Variants in TTLL10 observed in about 807,000 individuals in gnomAD.
TTLL10 encodes the protein tubulin tyrosine ligase like 10, also known as inactive polyglycylase TTLL10.
In TTLL10, 61 loss-of-function variants were observed where a neutral mutation model predicts 69.0. That is an observed-to-expected ratio of 0.88 (90% CI 0.72 to 1.09). The LOEUF (loss-of-function observed/expected upper bound fraction) is 1.09. Among genes scored for constraint, TTLL10 ranks in the 50% least tolerant of loss-of-function variants. The pLI, the probability that TTLL10 is intolerant of heterozygous loss-of-function variation, is 0.00. For missense variants in TTLL10, 962 were observed against 945.9 expected (o/e 1.02, Z -0.22); for synonymous variants, 408 against 393.3 (o/e 1.04, Z -0.44).
In TTLL10 at chr1:1,185,150, C is replaced by G. The variant is rs375859983; in HGVS notation, c.1401+41C>G. 11 of 1,601,684 alleles carry G rather than the reference C, an allele frequency of 6.9e-6. No homozygotes were observed. The highest frequency in any genetic ancestry group is 9.4e-6 in the Non-Finnish European group (11 of 1,172,468). Reference sequence around the variant, plus strand: ...CCTCCAGTCTGGGAGTGAGATCCCTCGGGGCGGGGGTGTGTGGTCAGGCTG... The same window carrying G: ...CCTCCAGTCTGGGAGTGAGATCCCTGGGGGCGGGGGTGTGTGGTCAGGCTG... On this transcript the variant is annotated intron_variant, in intron 13 of 15. Transcript: ENST00000379289. This position sits in a 1 kb window ranked among gnomAD's most constrained non-coding sequence, Gnocchi z 6.1.
Position 1,185,127 on chromosome 1 carries a change from T to C in TTLL10, c.1401+18T>C. On this transcript the variant is annotated intron_variant, in intron 13 of 15. Coordinates refer to ENST00000379289, the MANE Select transcript of TTLL10 (RefSeq NM_001130045.2). This position sits in a 1 kb window ranked among gnomAD's most constrained non-coding sequence, Gnocchi z 6.1. ...CCCTCAAGGTGCGTCCACTGTGCCC[T>C]CCAGTCTGGGAGTGAGATCCCTCGG... 6.2e-7 allele frequency: 1 copy of C among 1,608,516 alleles called. No homozygotes were observed. Among genetic ancestry groups the C allele is most frequent in the Non-Finnish European group, 8.5e-7 (1 of 1,176,752 alleles).
At position 1,196,597 on chromosome 1, in the gene TTLL10, C is replaced by A; in HGVS notation, c.1402-3C>A. The stretch of plus-strand genomic sequence containing the variant: ...GCCAGGATGCCTCCCTGCCTCCCTG[C>A]AGAAGCGGATGCAGCAGATCATGGC... On this transcript the variant is annotated splice_polypyrimidine_tract_variant and splice_region_variant and intron_variant, in intron 13 of 15. Coordinates refer to ENST00000379289, the MANE Select transcript of TTLL10 (RefSeq NM_001130045.2). The A allele has an allele frequency of 6.5e-7, 1 of 1,550,274 alleles. No individual in the cohort carries two copies. The highest frequency in any genetic ancestry group is 8.7e-7 in the Non-Finnish European group (1 of 1,145,726).
chr1:1,194,710 G>A (rs770700143), intron 13 of TTLL10, among the ~76,000 whole-genome samples: 6 of 152,158 alleles, frequency 3.9e-5, no homozygotes, highest in Non-Finnish European at 7.4e-5. Context: ...CATACATAAC[G>A]AGCGGCTTCT....
chr1:1,190,626 C>T (rs1441849790), intron 13 of TTLL10, among the ~76,000 whole-genome samples: 1 of 151,652 alleles, frequency 6.6e-6, no homozygotes, highest in Non-Finnish European at 1.5e-5. Context: ...GATGGGGTTT[C>T]ACCATGCTGG....
chr1:1,185,578 G>T lies in TTLL10; in HGVS notation c.1401+469G>T, dbSNP rs1647259959. 1 of 991,478 alleles carries T rather than the reference G, an allele frequency of 1.0e-6. No homozygotes were observed. The highest frequency in any genetic ancestry group is 5.1e-4 in the Middle Eastern group (1 of 1,942). The allele number at this position is 991,478 out of a possible 1,614,324, so 61.4% of individuals were successfully genotyped here. On this transcript the variant is annotated intron_variant, in intron 13 of 15. Coordinates refer to ENST00000379289, the MANE Select transcript of TTLL10 (RefSeq NM_001130045.2). This position sits in a 1 kb window ranked among gnomAD's most constrained non-coding sequence, Gnocchi z 6.1. ...TAATTTTGCAGGGTTCCTTTCTGTG[G>T]GGGTACCTGTGGGGTACTTCAAACA...
chr1:1,181,037 C>T lies in TTLL10; in HGVS notation c.755+177C>T, dbSNP rs921990951. 1.3e-5 allele frequency among the ~76,000 whole-genome samples: 2 copies of T among 150,514 alleles called. No homozygotes were observed. Among genetic ancestry groups the T allele is most frequent in the African/African-American group, 4.9e-5 (2 of 40,844 alleles). On this transcript the variant is annotated intron_variant, in intron 8 of 15. Transcript: ENST00000379289. This position sits in a 1 kb window ranked among gnomAD's most constrained non-coding sequence, Gnocchi z 4.6. ...CCCTGCCCCTGCCCTTGCCCCTGCC[C>T]CTGGCCACCTGGGCTCCCAGGCTGG...
In TTLL10 at chr1:1,197,649, C is replaced by T. The variant is rs559027586; in HGVS notation, c.1824C>T (p.Gly608=). 1.5e-5 allele frequency: 22 copies of T among 1,500,608 alleles called. No individual in the cohort carries two copies. The highest frequency in any genetic ancestry group is 1.1e-4 in the East Asian group (4 of 37,370). 93.0% of individuals were successfully genotyped at this position (1,500,608 alleles called of 1,614,324 possible). A position where few individuals can be genotyped will look rare whatever the true frequency, so the allele number is the denominator to read the frequency against. The change falls in exon 16 of 16, where the codon GGC becomes GGT. Residue 608 remains glycine (G), a synonymous_variant. Transcript: ENST00000379289. ...PPMPHAPDQP[G]ARRPAPPPLV... is the part of the protein sequence containing the mutation. ...TGCCGCATGCCCCAGACCAGCCGGGCGCCCGCAGGCCTGCGCCACCTCCCT... is the reference window on the plus strand; with the variant it reads ...TGCCGCATGCCCCAGACCAGCCGGGTGCCCGCAGGCCTGCGCCACCTCCCT...
chr1:1,179,457 A>G (rs1407222534), intron 4 of TTLL10, 124 bp downstream of exon 4: 2 of 1,231,488 alleles, frequency 1.6e-6, no homozygotes, highest in Non-Finnish European at 2.3e-6. Flanking sequence ...ACACATGGCC[A>G]TGCCCCGCTG....
At position 1,181,959 on chromosome 1, in the gene TTLL10, G is replaced by T. The variant is rs549869611; in HGVS notation, c.830+144G>T. Reference sequence around the variant, plus strand: ...GTCAGAGGTTCAGCCAGGCCAGGCCGAGATCCACGCTGACCCCCCAGTGCA... The same window carrying T: ...GTCAGAGGTTCAGCCAGGCCAGGCCTAGATCCACGCTGACCCCCCAGTGCA... On this transcript the variant is annotated intron_variant, in intron 9 of 15. Coordinates refer to ENST00000379289, the MANE Select transcript of TTLL10 (RefSeq NM_001130045.2). The surrounding 1 kb of genome is among the most constrained non-coding windows in gnomAD (Gnocchi z 4.6). 3 of 798,512 alleles carry T rather than the reference G, an allele frequency of 3.8e-6. No individual in the cohort carries two copies. The highest frequency in any genetic ancestry group is 3.4e-5 in the African/African-American group (2 of 58,160). The allele number at this position is 798,512 out of a possible 1,614,324, so 49.5% of individuals were successfully genotyped here. A position where few individuals can be genotyped will look rare whatever the true frequency, so the allele number is the denominator to read the frequency against.
chr1:1,195,555 G>C (rs1173190130), intron 13 of TTLL10, among the ~76,000 whole-genome samples: 4 of 136,636 alleles, frequency 2.9e-5, no homozygotes, highest in Non-Finnish European at 6.0e-5. Flanking sequence ...ATGTTGGCAA[G>C]GCTTGTCTCG....
rs531400734 is a variant in TTLL10 at position 1,194,209 on chromosome 1, T to G, written c.1402-2391T>G. ...ATTCAGTTTTTTATTAATACCAAGTTAATTTCAAAAGCATACAAAAACACA... is the reference window on the plus strand; with the variant it reads ...ATTCAGTTTTTTATTAATACCAAGTGAATTTCAAAAGCATACAAAAACACA... On this transcript the variant is annotated intron_variant, in intron 13 of 15. Coordinates refer to ENST00000379289, the MANE Select transcript of TTLL10 (RefSeq NM_001130045.2). Among the ~76,000 whole-genome samples the G allele has an allele frequency of 2.6e-5, 4 of 152,324 alleles. No homozygotes were observed. The East Asian group carries it at 7.7e-4, about 29-fold the overall frequency.
intron 13 of TTLL10, among the ~76,000 whole-genome samples, chr1:1,189,595 C>T (rs1453087861): frequency 6.6e-6 from 1 of 152,080 alleles, no homozygotes; most frequent in African/African-American, 2.4e-5. Context: ...TTAAGGTAAC[C>T]CTGGCCTCAT....
At position 1,180,759 on chromosome 1, in the gene TTLL10, C is replaced by A; in HGVS notation, c.654C>A (p.Asn218Lys). Residue 218 changes from asparagine to lysine, a missense_variant, in exon 8 of 16, where the codon AAC becomes AAA. By Grantham distance (94) the Asn-to-Lys change is moderately conservative. Coordinates refer to ENST00000379289, the MANE Select transcript of TTLL10 (RefSeq NM_001130045.2). ...EGEQLLYQLP[N>K]NKLLTTKIGL... The stretch of plus-strand genomic sequence containing the variant: ...AGCAGCTGCTGTACCAGCTTCCCAA[C>A]AACAAGCTCCTCACCACCAAGATCG... 3 of 1,608,848 alleles carry A rather than the reference C, an allele frequency of 1.9e-6. No homozygotes were observed. The highest frequency in any genetic ancestry group is 2.5e-6 in the Non-Finnish European group (3 of 1,178,094).
rs894270685 is a variant in TTLL10 at position 1,177,334 on chromosome 1, C to T, written c.-27-1855C>T. 6.0e-5 allele frequency among the ~76,000 whole-genome samples: 9 copies of T among 151,190 alleles called. No individual in the cohort carries two copies. The South Asian group carries it at 8.4e-4, about 14-fold the overall frequency. Reference sequence around the variant, plus strand: ...TGTGTCATTCTTTTTTTTTTTGAGACGGAGTCTCGCTCTGTCGCCCAGGCT... The same window carrying T: ...TGTGTCATTCTTTTTTTTTTTGAGATGGAGTCTCGCTCTGTCGCCCAGGCT... On this transcript the variant is annotated intron_variant, in intron 3 of 15. Coordinates refer to ENST00000379289, the MANE Select transcript of TTLL10 (RefSeq NM_001130045.2).
rs144432977 is a variant in TTLL10 at position 1,180,182 on chromosome 1, C to T, written c.348C>T (p.Leu116=). 6 of 1,611,372 alleles carry T rather than the reference C, an allele frequency of 3.7e-6. No individual in the cohort carries two copies. In the South Asian group the frequency reaches 5.5e-5, roughly 15 times the overall value. The part of the protein sequence containing the change: ...RASATPGPPG[L]LNSHRPADSD... ...CTGCCACACCCGGACCCCCTGGGCT[C>T]CTGAACAGCCACCGGCCTGCAGACT... Residue 116 remains leucine, a synonymous_variant, in exon 6 of 16, where the codon CTC becomes CTT. Transcript: ENST00000379289.
Position 1,190,622 on chromosome 1 carries a change from GT to G in TTLL10, c.1401+5516del, listed in dbSNP as rs111475544. Among the ~76,000 whole-genome samples, 983 of 151,572 alleles carry G rather than the reference GT, an allele frequency of 6.5e-3. 13 individuals carry two copies. Among genetic ancestry groups the G allele is most frequent in the African/African-American group, 0.02 (836 of 41,312 alleles). ...TTTTTGTATTTCTAATGGAGATGGG[GT>G]TTCACCATGCTGGCAAGGCTGGTCT... On this transcript the variant is annotated intron_variant, in intron 13 of 15. Transcript: ENST00000379289.
Position 1,181,758 on chromosome 1 carries a change from C to T in TTLL10, c.773C>T (p.Ala258Val). ...GGCTGCAGGCTGGAAAAGGACGCAG[C>T]AGCGCCCGCCCTGGAGGACCTCCCG... is the stretch of plus-strand genomic sequence containing the variant. Reference protein sequence around the residue: ...GVQARLEKDAAAPALEDLPWT... With the variant: ...GVQARLEKDAVAPALEDLPWT... The change falls in exon 9 of 16, where the codon GCA (alanine) becomes GTA (valine). Residue 258 changes from alanine (A) to valine (V), a missense_variant. Transcript: ENST00000379289. The surrounding 1 kb of genome is among the most constrained non-coding windows in gnomAD (Gnocchi z 4.6). 6 of 1,606,194 alleles carry T rather than the reference C, an allele frequency of 3.7e-6. No individual in the cohort carries two copies. The highest frequency in any genetic ancestry group is 5.1e-6 in the Non-Finnish European group (6 of 1,177,512).
At position 1,185,928 on chromosome 1, in the gene TTLL10, C is replaced by T. The variant is rs1382653695; in HGVS notation, c.1401+819C>T. 1 of 736,302 alleles carries T rather than the reference C, an allele frequency of 1.4e-6. No homozygotes were observed. Among genetic ancestry groups the T allele is most frequent in the South Asian group, 6.1e-5 (1 of 16,388 alleles). 45.6% of individuals were successfully genotyped at this position (736,302 alleles called of 1,614,324 possible). A position where few individuals can be genotyped will look rare whatever the true frequency, so the allele number is the denominator to read the frequency against. ...GCAATTATCACCACCAATTCCAGAA[C>T]ATTTCATCACCTCAAAAAAGAAACA... On this transcript the variant is annotated intron_variant, in intron 13 of 15. Coordinates refer to ENST00000379289, the MANE Select transcript of TTLL10 (RefSeq NM_001130045.2). The surrounding 1 kb of genome is among the most constrained non-coding windows in gnomAD (Gnocchi z 6.1).
Position 1,184,021 on chromosome 1 carries a change from G to T in TTLL10, c.1190G>T (p.Gly397Val), listed in dbSNP as rs1647166407. Reference sequence around the variant, plus strand: ...CCCTACATGATCTTCTTTGGCCACGGCTATGCTCGCCTCACCCTTAGCCTT... The same window carrying T: ...CCCTACATGATCTTCTTTGGCCACGTCTATGCTCGCCTCACCCTTAGCCTT... Reference protein sequence around the residue: ...TTPYMIFFGHGYARLTLSLYD... With the variant: ...TTPYMIFFGHVYARLTLSLYD... Residue 397 changes from glycine (G) to valine (V), a missense_variant, in exon 12 of 16, where the codon GGC becomes GTC. Coordinates refer to ENST00000379289, the MANE Select transcript of TTLL10 (RefSeq NM_001130045.2). 2 of 1,614,048 alleles carry T rather than the reference G, an allele frequency of 1.2e-6. No homozygotes were observed. The highest frequency in any genetic ancestry group is 1.1e-5 in the South Asian group (1 of 91,092).
Sources: allele counts gnomAD v4.1 joint callset (sites outside exome capture counted in the v4.1 genomes callset), GRCh38; gene constraint gnomAD v4.1.1; non-coding constraint Gnocchi (gnomAD v3.1); transcripts MANE v1.5; gene names NCBI Gene and HGNC (gene_info 2026-07-23, HGNC 2026-07-21).